PDE1A: variants seen among roughly 807,000 people sequenced by gnomAD.
The protein encoded by PDE1A is dual specificity calcium/calmodulin-dependent 3',5'-cyclic nucleotide phosphodiesterase 1A.
In PDE1A, 35 loss-of-function variants were observed where a neutral mutation model predicts 61.7. The observed-to-expected ratio is 0.57, with a 90% confidence interval of 0.43 to 0.75. PDE1A has a LOEUF of 0.75. Ranked by LOEUF, PDE1A falls within the 30% of genes least tolerant of loss-of-function variation. PDE1A has a pLI of 0.00. For missense variants in PDE1A, 597 were observed against 630.6 expected, an observed-to-expected ratio of 0.95 and a Z score of 0.57; for synonymous variants, 232 against 213.2, an observed-to-expected ratio of 1.09 and a Z score of -0.77.
At chr2:182,607,045 T>G in the PDE1A span, among the ~76,000 whole-genome samples, 2 of 150,978 alleles carry the variant, frequency 1.3e-5, no homozygotes, top group South Asian at 2.1e-4. Flanking sequence ...AAATGTAACG[T>G]GGGGGGAAAA....
chr2:182,235,396 C>A (rs1415812315), intron 3 of PDE1A, among the ~76,000 whole-genome samples: 1 of 152,194 alleles, frequency 6.6e-6, no homozygotes, highest in East Asian at 1.9e-4. Context: ...CCCACATTGG[C>A]CTCTCAAAGT....
At chr2:182,510,071 A>T (rs1689686710) in intron 2 of PDE1A, among the ~76,000 whole-genome samples, 1 of 152,140 alleles carries the variant, frequency 6.6e-6, no homozygotes, top group African/African-American at 2.4e-5. Flanking sequence ...ATAACTATAA[A>T]TATCAAAAAT....
At chr2:182,356,246 A>T (rs942393851) in intron 1 of PDE1A, among the ~76,000 whole-genome samples, 1 of 152,070 alleles carries the variant, frequency 6.6e-6, no homozygotes, top group Admixed American at 6.6e-5. Flanking sequence ...GGAATTCAAG[A>T]AAGAAGACAT....
intron 1 of PDE1A, among the ~76,000 whole-genome samples, chr2:182,426,003 T>C (rs1177929384): frequency 6.6e-6 from 1 of 152,216 alleles, no homozygotes; most frequent in African/African-American, 2.4e-5. Context: ...AAACTTTAGC[T>C]CAATCCATTA....
chr2:182,280,722 A>G (rs1693745706), intron 1 of PDE1A, among the ~76,000 whole-genome samples: 1 of 151,270 alleles, frequency 6.6e-6, no homozygotes, highest in Admixed American at 6.6e-5. Flanking sequence ...TTCCTCTTTG[A>G]TTTTGTGGGT....
chr2:182,527,322 AAAAAAATATATATAT>A (rs1559543385), upstream of PDE1A, among the ~76,000 whole-genome samples: 6 of 42,170 alleles, frequency 1.4e-4, no homozygotes, highest in East Asian at 6.9e-4. Context: ...AAAAAAAAAA[AAAAAAATATATATAT>A]ATATATATAT....
chr2:182,653,795 G>C, the PDE1A span, among the ~76,000 whole-genome samples: 2 of 152,106 alleles, frequency 1.3e-5, no homozygotes, highest in African/African-American at 4.8e-5. Flanking sequence ...GCTCAGATAC[G>C]AGTCTTAACC....
the PDE1A span, among the ~76,000 whole-genome samples, chr2:182,613,007 T>C: frequency 1.3e-5 from 2 of 152,200 alleles, no homozygotes; most frequent in African/African-American, 4.8e-5. Flanking sequence ...GCAAGAAATG[T>C]TTTTAAATGC....
At chr2:182,599,533 C>T in the PDE1A span, among the ~76,000 whole-genome samples, 1 of 152,174 alleles carries the variant, frequency 6.6e-6, no homozygotes, top group Non-Finnish European at 1.5e-5. Context: ...TGCCAGAGAA[C>T]TTGTGGATAT....
chr2:182,252,922 T>A (rs942894880), intron 2 of PDE1A, among the ~76,000 whole-genome samples: 2 of 152,188 alleles, frequency 1.3e-5, no homozygotes, highest in African/African-American at 4.8e-5. Context: ...GTAGGCTATA[T>A]AAATATAGTA....
At position 182,243,006 on chromosome 2, in the gene PDE1A, G is replaced by A. The variant is rs548032712; in HGVS notation, c.168-2714C>T. 4.0e-5 allele frequency among the ~76,000 whole-genome samples: 6 copies of A among 151,192 alleles called. No homozygotes were observed. In the South Asian group the frequency reaches 6.3e-4, roughly 16 times the overall value. ...TCTTTCCATCATTTATGAATGCTGC[G>A]TGATAACTACCAGTGTAGGTTATAA... On this transcript the variant is annotated intron_variant, in intron 2 of 13. Coordinates refer to ENST00000351439, the Ensembl canonical transcript of PDE1A.
the PDE1A span, among the ~76,000 whole-genome samples, chr2:182,576,205 A>G: frequency 1.3e-5 from 2 of 152,082 alleles, no homozygotes; most frequent in East Asian, 3.9e-4. Flanking sequence ...GCACCCATGA[A>G]TCCAAAAGTC....
At chr2:182,664,142 C>T in the PDE1A span, among the ~76,000 whole-genome samples, 1 of 152,046 alleles carries the variant, frequency 6.6e-6, no homozygotes. Context: ...CACATCCATC[C>T]AATAAATAAA....
chr2:182,241,709 A>C, intron 2 of PDE1A: 1 of 680,734 alleles, frequency 1.5e-6, no homozygotes, highest in Non-Finnish European at 2.2e-6. Context: ...CCTTATAAAA[A>C]ATAAACATAA....
At chr2:182,483,065 A>T (rs1215658896) in intron 2 of PDE1A, among the ~76,000 whole-genome samples, 1 of 151,956 alleles carries the variant, frequency 6.6e-6, no homozygotes, top group East Asian at 1.9e-4. Flanking sequence ...ATACTTTGAA[A>T]CAATAAATGT....
At chr2:182,602,814 A>G in the PDE1A span, among the ~76,000 whole-genome samples, 9 of 152,214 alleles carry the variant, frequency 5.9e-5, no homozygotes. Context: ...ATAAAACAAC[A>G]TTAGAAACTC....
chr2:182,533,794 G>A, the PDE1A span, among the ~76,000 whole-genome samples: 1 of 152,090 alleles, frequency 6.6e-6, no homozygotes, highest in African/African-American at 2.4e-5. Context: ...ATAGATCAAG[G>A]TATCAAAATT....
chr2:182,652,522 T>A, the PDE1A span, among the ~76,000 whole-genome samples: 12 of 151,680 alleles, frequency 7.9e-5, no homozygotes, highest in Non-Finnish European at 1.6e-4. Context: ...GCAAAATGAG[T>A]CAAAACATGC....
intron 2 of PDE1A, among the ~76,000 whole-genome samples, chr2:182,467,241 A>G (rs931455256): frequency 4.6e-5 from 7 of 151,924 alleles, no homozygotes; most frequent in Admixed American, 4.6e-4. Flanking sequence ...GATTTTATGG[A>G]CAGTAAAAGG....
Sources: gnomAD v4.1 joint callset for allele counts (sites outside exome capture counted in the v4.1 genomes callset) on GRCh38, gnomAD v4.1.1 for gene constraint, MANE v1.5 for transcripts, NCBI Gene and HGNC (gene_info 2026-07-23, HGNC 2026-07-21) for gene names.